Variants in RBFOX1 observed in about 807,000 individuals in gnomAD.
RBFOX1 encodes the protein RNA binding fox-1 homolog 1.
RBFOX1 carries 8 observed loss-of-function variants against 57.7 expected under a neutral mutation model. The observed-to-expected ratio is 0.14, with a 90% confidence interval of 0.08 to 0.25. RBFOX1 has a LOEUF of 0.25. Among genes scored for constraint, RBFOX1 ranks in the 10% least tolerant of loss-of-function variants. The pLI is 1.00. For synonymous variants in RBFOX1, 326 were observed against 222.4 expected (o/e 1.47, Z -4.15); for missense variants, 611 against 548.5 (o/e 1.11, Z -1.14).
chr16:5,845,601 T>C (rs552397634), intron 3 of RBFOX1, among the ~76,000 whole-genome samples: 1 of 152,330 alleles, frequency 6.6e-6, no homozygotes, highest in South Asian at 2.1e-4. Context: ...TTCACTGTGC[T>C]TTTCTTTGTT....
rs563973086 is a variant in RBFOX1 at position 6,993,459 on chromosome 16, G to A, written c.-15-58598G>A. On this transcript the variant is annotated intron_variant, in intron 3 of 15. Transcript: ENST00000550418. Reference sequence around the variant, plus strand: ...TGCTGGCTGAGGGATCCATCAGAGTGGGAAGGGGAGATGGGGAAAGCCATC... The same window carrying A: ...TGCTGGCTGAGGGATCCATCAGAGTAGGAAGGGGAGATGGGGAAAGCCATC... Among the ~76,000 whole-genome samples, 12 of 152,266 alleles carry A rather than the reference G, an allele frequency of 7.9e-5. No individual in the cohort carries two copies. In the East Asian group the frequency reaches 2.3e-3, roughly 29 times the overall value.
chr16:5,933,700 A>T (rs1430046698), intron 4 of RBFOX1, among the ~76,000 whole-genome samples: 5 of 151,818 alleles, frequency 3.3e-5, no homozygotes, highest in Non-Finnish European at 7.4e-5. Flanking sequence ...CTGAAATACT[A>T]TGTAGAGTTT....
chr16:5,529,253 C>T (rs968175912), intron 2 of RBFOX1, among the ~76,000 whole-genome samples: 2 of 152,042 alleles, frequency 1.3e-5, no homozygotes, highest in Non-Finnish European at 1.5e-5. Flanking sequence ...TGAATTTTGT[C>T]CCCTCCCAAA....
intron 3 of RBFOX1, among the ~76,000 whole-genome samples, chr16:5,646,056 G>T (rs186114302): frequency 2.0e-5 from 3 of 151,688 alleles, no homozygotes; most frequent in East Asian, 3.9e-4. Flanking sequence ...TTGAGACGGA[G>T]TCTCGCTGTG....
In RBFOX1 at chr16:7,071,161, C is replaced by T. The variant is rs376287174; in HGVS notation, c.27+19063C>T. ...TTCTCGGCTGCTACCCTGAAGCTTC[C>T]GTTTTGACTAGTATTGGTTCTTAGG... On this transcript the variant is annotated intron_variant, in intron 4 of 15. Transcript: ENST00000550418. Among the ~76,000 whole-genome samples the T allele has an allele frequency of 7.5e-4, 114 of 152,142 alleles. 1 individual carries two copies. The highest frequency in any genetic ancestry group is 2.6e-3 in the African/African-American group (106 of 41,502).
rs546706989 is a variant in RBFOX1, at chr16:6,867,865, T to A, written c.-15-184192T>A. Among the ~76,000 whole-genome samples the A allele has an allele frequency of 2.0e-3, 304 of 152,296 alleles. 2 individuals are homozygous for A. Among genetic ancestry groups the A allele is most frequent in the African/African-American group, 7.0e-3 (293 of 41,564 alleles). ...CCCTTTCTGCTGACAGGTGTCCCAG[T>A]TTCAACGATGTATTATATAGTCATT... On this transcript the variant is annotated intron_variant, in intron 3 of 15. Coordinates refer to ENST00000550418, the MANE Select transcript of RBFOX1 (RefSeq NM_018723.4).
At chr16:6,604,420 T>G (rs2097898554) in intron 2 of RBFOX1, among the ~76,000 whole-genome samples, 2 of 152,180 alleles carry the variant, frequency 1.3e-5, no homozygotes, top group Non-Finnish European at 2.9e-5. Flanking sequence ...TAAGTGATCT[T>G]CCCATCTCAG....
intron 4 of RBFOX1, among the ~76,000 whole-genome samples, chr16:7,225,051 T>C (rs1433063265): frequency 6.6e-6 from 1 of 152,192 alleles, no homozygotes; most frequent in African/African-American, 2.4e-5. Flanking sequence ...CGGAGTTAAA[T>C]AAAGTGATAT....
intron 1 of RBFOX1, among the ~76,000 whole-genome samples, chr16:6,034,082 C>T (rs1047875955): frequency 6.6e-6 from 1 of 151,926 alleles, no homozygotes; most frequent in Non-Finnish European, 1.5e-5. Context: ...TGCCCGTAAT[C>T]CCAGCCCTTT....
At chr16:7,287,563 C>G (rs1040535544) in intron 4 of RBFOX1, among the ~76,000 whole-genome samples, 2 of 152,176 alleles carry the variant, frequency 1.3e-5, no homozygotes, top group African/African-American at 2.4e-5. Context: ...CAGTCTGTGA[C>G]TTGGGCTACT....
chr16:6,873,648 C>G (rs1459023499), intron 3 of RBFOX1, among the ~76,000 whole-genome samples: 2 of 152,192 alleles, frequency 1.3e-5, no homozygotes, highest in South Asian at 2.1e-4. Context: ...ATGAGATTCT[C>G]TGCATTCATA....
intron 2 of RBFOX1, among the ~76,000 whole-genome samples, chr16:5,512,434 GTC>G (rs140825573): frequency 0.53 from 78,916 of 148,446 alleles, 23,838 homozygotes; most frequent in African/African-American, 0.84. Flanking sequence ...CTCTCTCTCT[GTC>G]TCTCTCTCTC....
chr16:5,296,563 A>C (rs1038290979), intron 1 of RBFOX1, among the ~76,000 whole-genome samples: 1 of 146,448 alleles, frequency 6.8e-6, no homozygotes, highest in African/African-American at 2.8e-5. Context: ...TTTAATTAAA[A>C]AAAAAAAAAT....
intron 2 of RBFOX1, among the ~76,000 whole-genome samples, chr16:6,498,737 AAAT>A (rs1285641517): frequency 3.9e-5 from 6 of 152,256 alleles, no homozygotes; most frequent in African/African-American, 1.4e-4. Context: ...TGGAAAATCT[AAAT>A]AATAATTATA....
At chr16:5,863,428 T>C (rs2057273990) in intron 3 of RBFOX1, among the ~76,000 whole-genome samples, 1 of 152,138 alleles carries the variant, frequency 6.6e-6, no homozygotes, top group Admixed American at 6.5e-5. Flanking sequence ...TAAAAGCCCA[T>C]GGTTGCAGCT....
At chr16:5,480,573 C>G (rs2069502506) in intron 2 of RBFOX1, among the ~76,000 whole-genome samples, 1 of 152,244 alleles carries the variant, frequency 6.6e-6, no homozygotes, top group South Asian at 2.1e-4. Flanking sequence ...TCCACCAGCC[C>G]AGCCTATTTT....
At chr16:5,589,223 G>T (rs972653896) in intron 2 of RBFOX1, among the ~76,000 whole-genome samples, 1 of 152,168 alleles carries the variant, frequency 6.6e-6, no homozygotes, top group Non-Finnish European at 1.5e-5. Context: ...TTGTGGGGCG[G>T]TGGTGGAGGG....
intron 2 of RBFOX1, among the ~76,000 whole-genome samples, chr16:6,600,695 A>T (rs2097842652): frequency 6.6e-6 from 1 of 152,178 alleles, no homozygotes; most frequent in Admixed American, 6.5e-5. Flanking sequence ...AAGTTTATAG[A>T]TTTACCATTT....
At chr16:5,528,545 C>CTTTTTT (rs755227280) in intron 2 of RBFOX1, among the ~76,000 whole-genome samples, 3 of 115,246 alleles carry the variant, frequency 2.6e-5, no homozygotes, top group African/African-American at 3.2e-5. Flanking sequence ...GACAGCTCTT[C>CTTTTTT]TTTTTTTTTT....
Sources: allele counts gnomAD v4.1 joint callset (sites outside exome capture counted in the v4.1 genomes callset), GRCh38; gene constraint gnomAD v4.1.1; transcripts MANE v1.5; gene names NCBI Gene and HGNC (gene_info 2026-07-23, HGNC 2026-07-21).